Variants in SYN3 observed in about 807,000 individuals in gnomAD.
SYN3 encodes synapsin-3.
In SYN3, 35 loss-of-function variants were observed where a neutral mutation model predicts 65.8. The observed-to-expected ratio is 0.53, with a 90% CI of 0.41 to 0.70. The LOEUF is 0.70. Ranked by LOEUF, SYN3 falls within the 30% of genes least tolerant of loss-of-function variation. The probability of loss-of-function intolerance (pLI) is 0.00; values close to 1 mark genes in which losing one functional copy is unlikely to be tolerated. For synonymous variants in SYN3, 270 were observed against 292.9 expected (o/e 0.92, Z 0.80); for missense variants, 680 against 749.0 (o/e 0.91, Z 1.08).
At chr22:32,968,473 T>G (rs1037364381) in intron 3 of SYN3, among the ~76,000 whole-genome samples, 1 of 152,184 alleles carries the variant, frequency 6.6e-6, no homozygotes, top group African/African-American at 2.4e-5. Flanking sequence ...AAAAGTTCAA[T>G]ACATACATCC....
intron 7 of SYN3, among the ~76,000 whole-genome samples, chr22:32,569,555 C>CTGTATATATATA (rs1230609085): frequency 6.4e-5 from 7 of 109,720 alleles, no homozygotes; most frequent in African/African-American, 2.4e-4. Context: ...CTCTCTCTCT[C>CTGTATATATATA]TCTCTCTCTC....
chr22:32,550,290 A>T (rs1240092484), intron 7 of SYN3, among the ~76,000 whole-genome samples: 1 of 151,866 alleles, frequency 6.6e-6, no homozygotes, highest in Non-Finnish European at 1.5e-5. Context: ...TGTCCTTCAC[A>T]CTAGAATTTA....
chr22:32,732,403 T>G (rs2061282461), intron 6 of SYN3, among the ~76,000 whole-genome samples: 1 of 152,166 alleles, frequency 6.6e-6, no homozygotes. Flanking sequence ...GAAGTCAGAT[T>G]CTCACCTGCT....
chr22:32,619,319 A>G (rs1176410881), intron 6 of SYN3, among the ~76,000 whole-genome samples: 1 of 152,208 alleles, frequency 6.6e-6, no homozygotes, highest in African/African-American at 2.4e-5. Flanking sequence ...TAGACCTGAA[A>G]TCCTATAAAG....
intron 6 of SYN3, among the ~76,000 whole-genome samples, chr22:32,609,938 T>C (rs2059419284): frequency 6.6e-6 from 1 of 152,186 alleles, no homozygotes; most frequent in African/African-American, 2.4e-5. Context: ...ACAATTCACA[T>C]ACCATAAAAT....
intron 1 of SYN3, among the ~76,000 whole-genome samples, chr22:33,013,839 G>A (rs558704134): frequency 1.1e-4 from 16 of 151,988 alleles, no homozygotes; most frequent in Non-Finnish European, 1.5e-4. Flanking sequence ...TCTGTCCCTG[G>A]CTTATCTCAC....
intron 4 of SYN3, among the ~76,000 whole-genome samples, chr22:32,930,146 G>C (rs558432142): frequency 6.6e-6 from 1 of 152,124 alleles, no homozygotes; most frequent in African/African-American, 2.4e-5. Flanking sequence ...GATATGGTTT[G>C]GCTGTGTCCC....
At chr22:32,638,699 A>C (rs1279140999) in intron 6 of SYN3, among the ~76,000 whole-genome samples, 1 of 152,188 alleles carries the variant, frequency 6.6e-6, no homozygotes, top group Non-Finnish European at 1.5e-5. Context: ...AATTCTGTAT[A>C]GATTCCACAT....
At chr22:32,893,625 T>C (rs1301853602) in intron 4 of SYN3, among the ~76,000 whole-genome samples, 1 of 152,012 alleles carries the variant, frequency 6.6e-6, no homozygotes, top group Non-Finnish European at 1.5e-5. Context: ...GGAAGGAGCA[T>C]TTTCACTCCA....
chr22:32,725,740 C>A (rs1394586442), intron 6 of SYN3, among the ~76,000 whole-genome samples: 1 of 152,196 alleles, frequency 6.6e-6, no homozygotes, highest in Non-Finnish European at 1.5e-5. Context: ...GCCCTGCTGA[C>A]CCAGTTTAGA....
At chr22:32,780,934 T>TTCCTTCCTTCCTTCCTTCCTTCCTTCC (rs1477484298) in intron 6 of SYN3, among the ~76,000 whole-genome samples, 1 of 82,620 alleles carries the variant, frequency 1.2e-5, no homozygotes, top group African/African-American at 5.7e-5. Flanking sequence ...CCTTCCTTCC[T>TTCCTTCCTTCCTTCCTTCCTTCCTTCC]TTCCTTCCTT....
intron 6 of SYN3, among the ~76,000 whole-genome samples, chr22:32,597,968 C>T (rs1431082533): frequency 6.6e-6 from 1 of 152,206 alleles, no homozygotes; most frequent in Non-Finnish European, 1.5e-5. Context: ...TTCCCCCTTT[C>T]ATGTTGTTCA....
At chr22:32,658,602 AT>A (rs1156753530) in intron 6 of SYN3, among the ~76,000 whole-genome samples, 1 of 152,220 alleles carries the variant, frequency 6.6e-6, no homozygotes, top group Non-Finnish European at 1.5e-5. Context: ...TCCATAAGGC[AT>A]TTCAGGCAGG....
At chr22:32,843,523 G>A (rs2047974386) in intron 6 of SYN3, among the ~76,000 whole-genome samples, 2 of 152,218 alleles carry the variant, frequency 1.3e-5, no homozygotes, top group South Asian at 4.1e-4. Flanking sequence ...TCCGGCCTCA[G>A]CAAGGCCGCT....
At chr22:32,688,691 G>A (rs1481674344) in intron 6 of SYN3, among the ~76,000 whole-genome samples, 3 of 144,954 alleles carry the variant, frequency 2.1e-5, no homozygotes, top group Non-Finnish European at 4.5e-5. Context: ...GCAGAGCCTT[G>A]TCCTCCACCA....
At chr22:32,764,823 G>A (rs151260565) in intron 6 of SYN3, among the ~76,000 whole-genome samples, 1 of 152,294 alleles carries the variant, frequency 6.6e-6, no homozygotes, top group African/African-American at 2.4e-5. Context: ...CAGTGGTGGG[G>A]AGCAATGGCA....
At chr22:32,819,355 C>T (rs1356095142) in intron 6 of SYN3, among the ~76,000 whole-genome samples, 1 of 152,236 alleles carries the variant, frequency 6.6e-6, no homozygotes, top group African/African-American at 2.4e-5. Flanking sequence ...GTCCTGCGGT[C>T]TCCTTCTCGA....
chr22:32,565,423 G>C (rs1408550291), intron 7 of SYN3, among the ~76,000 whole-genome samples: 1 of 151,768 alleles, frequency 6.6e-6, no homozygotes, highest in East Asian at 1.9e-4. Context: ...GTGTATGTAT[G>C]TATGTACATA....
intron 6 of SYN3, among the ~76,000 whole-genome samples, chr22:32,661,666 G>T (rs2060218754): frequency 6.6e-6 from 1 of 152,162 alleles, no homozygotes; most frequent in South Asian, 2.1e-4. Flanking sequence ...GATACAAGGG[G>T]ACCTGTCGCG....
Sources: allele counts gnomAD v4.1 joint callset (sites outside exome capture counted in the v4.1 genomes callset), GRCh38; gene constraint gnomAD v4.1.1; transcripts MANE v1.5; gene names NCBI Gene and HGNC (gene_info 2026-07-23, HGNC 2026-07-21).